ATP1A4: variants seen among roughly 807,000 people sequenced by gnomAD.
ATP1A4 encodes sodium/potassium-transporting ATPase subunit alpha-4.
Under a neutral mutation model 114.3 loss-of-function variants are expected in ATP1A4, and 90 were observed. That is an observed-to-expected ratio of 0.79 (90% CI 0.66 to 0.94). The LOEUF (loss-of-function observed/expected upper bound fraction) is 0.94, where lower values mean the gene tolerates loss of function less well. Among genes scored for constraint, ATP1A4 ranks in the 40% least tolerant of loss-of-function variants. ATP1A4 has a pLI of 0.00. For synonymous variants in ATP1A4, 511 were observed against 494.1 expected (o/e 1.03, Z -0.45); for missense variants, 1,222 against 1,313.6 (o/e 0.93, Z 1.08).
intron 2 of ATP1A4, among the ~76,000 whole-genome samples, chr1:160,154,491 T>C (rs185722574): frequency 2.0e-4 from 31 of 152,294 alleles, no homozygotes; most frequent in Non-Finnish European, 1.3e-4. Flanking sequence ...ACCTCAAACA[T>C]TTATCATTTC....
chr1:160,175,466 G>A (rs551857087), intron 15 of ATP1A4, among the ~76,000 whole-genome samples: 1 of 152,136 alleles, frequency 6.6e-6, no homozygotes, highest in African/African-American at 2.4e-5. Context: ...TGATGCTGGG[G>A]ATACAACAGT....
chr1:160,161,809 C>T (rs891012583), intron 6 of ATP1A4, among the ~76,000 whole-genome samples: 5 of 152,180 alleles, frequency 3.3e-5, no homozygotes. Flanking sequence ...CCTGTCTGCT[C>T]CTCGAGTAGG....
intron 6 of ATP1A4, among the ~76,000 whole-genome samples, chr1:160,163,898 C>T (rs1424055088): frequency 6.6e-6 from 1 of 152,070 alleles, no homozygotes; most frequent in Non-Finnish European, 1.5e-5. Flanking sequence ...AACAAAGATA[C>T]TCCTATCACC....
intron 8 of ATP1A4, 41 bp downstream of exon 8, chr1:160,166,767 G>A: frequency 6.2e-7 from 1 of 1,612,382 alleles, no homozygotes; most frequent in Non-Finnish European, 8.5e-7. Flanking sequence ...GAGGGATTTG[G>A]GGGATGTGAT....
chr1:160,182,181 G>A (rs1228916133), intron 20 of ATP1A4, 150 bp downstream of exon 20: 2 of 672,480 alleles, frequency 3.0e-6, no homozygotes, highest in Admixed American at 2.3e-5. Context: ...AGAGTCATCT[G>A]TGCTCTGATA....
rs201022879 is a variant in ATP1A4, at chr1:160,174,070, T to C, written c.1992-41T>C. On this transcript the variant is annotated intron_variant, in intron 13 of 21. Coordinates refer to ENST00000368081, the MANE Select transcript of ATP1A4 (RefSeq NM_144699.4). ...GGGCACCAAGACCCCTGGTGAATTC[T>C]CAACACTCAAAACTAGCCTTTTGAA... 486 of 1,606,366 alleles carry C rather than the reference T, an allele frequency of 3.0e-4. No individual in the cohort carries two copies. In the African/African-American group the frequency reaches 5.8e-3, roughly 19 times the overall value.
At position 160,164,212 on chromosome 1, in the gene ATP1A4, G is replaced by A; in HGVS notation, c.835G>A (p.Ala279Thr). ...TGDSTVMGRI[A>T]SLTSGLAVGQ... ...AGACTCCACAGTGATGGGCAGAATT[G>A]CCTCCCTGACGTCAGGCCTGGCGGT... The change falls in exon 7 of 22, where the codon GCC (alanine) becomes ACC (threonine). Residue 279 changes from alanine (A) to threonine (T), a missense_variant. Ala to Thr is a moderately conservative substitution (Grantham distance 58). Coordinates refer to ENST00000368081, the MANE Select transcript of ATP1A4 (RefSeq NM_144699.4). 2 of 1,614,172 alleles carry A rather than the reference G, an allele frequency of 1.2e-6. No homozygotes were observed. Among genetic ancestry groups the A allele is most frequent in the Middle Eastern group, 1.6e-4 (1 of 6,062 alleles).
intron 20 of ATP1A4, among the ~76,000 whole-genome samples, chr1:160,186,013 T>TA (rs1221477360): frequency 7.2e-6 from 1 of 138,552 alleles, no homozygotes; most frequent in Non-Finnish European, 1.5e-5. Flanking sequence ...GAGAATCGCT[T>TA]AAATCCGGGA....
intron 2 of ATP1A4, among the ~76,000 whole-genome samples, chr1:160,153,983 T>C (rs965377276): frequency 1.3e-5 from 2 of 152,200 alleles, no homozygotes; most frequent in African/African-American, 4.8e-5. Flanking sequence ...TCATTTTCAT[T>C]AACAGGAAAA....
chr1:160,172,214 G>A (rs1055163240), intron 12 of ATP1A4, among the ~76,000 whole-genome samples: 2 of 152,194 alleles, frequency 1.3e-5, no homozygotes, highest in Admixed American at 1.3e-4. Flanking sequence ...CGAGCTCCCA[G>A]GCGATGCTGT....
At chr1:160,177,722 G>A in intron 18 of ATP1A4, 58 bp downstream of exon 18, 1 of 1,584,212 alleles carries the variant, frequency 6.3e-7, no homozygotes, top group East Asian at 2.3e-5. Flanking sequence ...TGACAGGGGA[G>A]AGTGAGTGCA....
At chr1:160,173,233 C>G (rs1010590472) in intron 12 of ATP1A4, among the ~76,000 whole-genome samples, 4 of 152,190 alleles carry the variant, frequency 2.6e-5, no homozygotes, top group African/African-American at 9.7e-5. Flanking sequence ...CCAGACATTC[C>G]TTTATTACCA....
At position 160,152,084 on chromosome 1, in the gene ATP1A4, A is replaced by G. The variant is rs763103557; in HGVS notation, c.44A>G (p.Gln15Arg). ...AAAGGGACAGTGGCTCCCCATGACC[A>G]GAGTCCAAGACGAAGACCTAAAAAA... ...GKKGTVAPHDQSPRRRPKKGL... is the reference protein window; with the variant it reads ...GKKGTVAPHDRSPRRRPKKGL... The change falls in exon 1 of 22, where the codon CAG becomes CGG. Residue 15 changes from glutamine (Q) to arginine (R), a missense_variant. By Grantham distance (43) the Gln-to-Arg change is conservative. Coordinates refer to ENST00000368081, the MANE Select transcript of ATP1A4 (RefSeq NM_144699.4). 6.2e-7 allele frequency: 1 copy of G among 1,614,080 alleles called. No individual in the cohort carries two copies. The highest frequency in any genetic ancestry group is 1.1e-5 in the South Asian group (1 of 91,068).
chr1:160,161,893 G>A (rs1171226954), intron 6 of ATP1A4, among the ~76,000 whole-genome samples: 1 of 152,162 alleles, frequency 6.6e-6, no homozygotes, highest in African/African-American at 2.4e-5. Flanking sequence ...AATGTTCATG[G>A]GAGCTCCCAG....
chr1:160,164,557 A>T, intron 7 of ATP1A4, 133 bp downstream of exon 7: 1 of 956,010 alleles, frequency 1.0e-6, no homozygotes, highest in Non-Finnish European at 1.6e-6. Flanking sequence ...TATCAGGAAT[A>T]ATTTAGCTCT....
intron 10 of ATP1A4, among the ~76,000 whole-genome samples, chr1:160,169,431 T>A (rs2101640675): frequency 6.6e-6 from 1 of 152,360 alleles, no homozygotes; most frequent in South Asian, 2.1e-4. Context: ...ATTCAACACA[T>A]TTTACTGAGC....
At chr1:160,176,888 AGC>A (rs1653484785) in intron 17 of ATP1A4, among the ~76,000 whole-genome samples, 1 of 152,228 alleles carries the variant, frequency 6.6e-6, no homozygotes, top group Non-Finnish European at 1.5e-5. Context: ...TTATGAGGAT[AGC>A]CAGAGAGGCC....
chr1:160,159,608 G>A, intron 6 of ATP1A4, 82 bp downstream of exon 6: 1 of 1,285,328 alleles, frequency 7.8e-7, no homozygotes, highest in East Asian at 2.4e-5. Context: ...TCTAAAGGTA[G>A]CGAGGTAGGT....
In ATP1A4 at chr1:160,181,967, C is replaced by T. The variant is rs1312715782; in HGVS notation, c.2905C>T (p.Leu969Phe). The change falls in exon 20 of 22, where the codon CTC becomes TTC. Residue 969 changes from leucine (L) to phenylalanine (F), a missense_variant. Transcript: ENST00000368081. ...AATATTTGGGATCCTGGAGGAGACACTCTTGGCTGCATTTCTGTCCTACAC... is the reference window on the plus strand; with the variant it reads ...AATATTTGGGATCCTGGAGGAGACATTCTTGGCTGCATTTCTGTCCTACAC... ...VLIFGILEET[L>F]LAAFLSYTPG... 10 of 1,614,056 alleles carry T rather than the reference C, an allele frequency of 6.2e-6. No individual in the cohort carries two copies. Among genetic ancestry groups the T allele is most frequent in the East Asian group, 2.2e-5 (1 of 44,902 alleles).
Sources: gnomAD v4.1 joint callset for allele counts (sites outside exome capture counted in the v4.1 genomes callset) on GRCh38, gnomAD v4.1.1 for gene constraint, MANE v1.5 for transcripts, NCBI Gene and HGNC (gene_info 2026-07-23, HGNC 2026-07-21) for gene names.